Variants in PREX1 observed in about 807,000 individuals in gnomAD.
PREX1 encodes phosphatidylinositol 3,4,5-trisphosphate-dependent Rac exchanger 1 protein.
In PREX1, 41 loss-of-function variants were observed where a neutral mutation model predicts 198.3. That is an observed-to-expected ratio of 0.21 (90% CI 0.16 to 0.27). PREX1 has a LOEUF of 0.27. Among genes scored for constraint, PREX1 ranks in the 10% least tolerant of loss-of-function variants. PREX1 has a pLI of 1.00. For synonymous variants in PREX1, 843 were observed against 887.2 expected (o/e 0.95, Z 0.89); for missense variants, 1,620 against 2,200.7 (o/e 0.74, Z 5.28).
At chr20:48,728,502 C>G (rs888747308) in intron 4 of PREX1, among the ~76,000 whole-genome samples, 1 of 152,226 alleles carries the variant, frequency 6.6e-6, no homozygotes, top group African/African-American at 2.4e-5. Flanking sequence ...TCTAGCTGAG[C>G]TGAATGGCCC....
At chr20:48,649,819 T>G (rs932387536) in intron 24 of PREX1, among the ~76,000 whole-genome samples, 177 bp downstream of exon 24, 1 of 152,240 alleles carries the variant, frequency 6.6e-6, no homozygotes, top group Non-Finnish European at 1.5e-5. Context: ...CCAGCAGATA[T>G]CATCCACAAG....
the PREX1 span, among the ~76,000 whole-genome samples, chr20:48,862,780 T>TAAAAAAAAAAAAAAAAAAAAAAA: frequency 2.0e-5 from 2 of 99,232 alleles, no homozygotes; most frequent in African/African-American, 4.1e-5. Flanking sequence ...TAAAAAAGCC[T>TAAAAAAAAAAAAAAAAAAAAAAA]AAAAAAAAAA....
chr20:48,858,865 T>C, the PREX1 span, among the ~76,000 whole-genome samples: 1 of 152,190 alleles, frequency 6.6e-6, no homozygotes, highest in East Asian at 1.9e-4. Flanking sequence ...CTCACTGTAC[T>C]GCGTACTTTA....
chr20:48,680,196 T>C (rs2089740198), intron 11 of PREX1, among the ~76,000 whole-genome samples: 1 of 152,194 alleles, frequency 6.6e-6, no homozygotes, highest in Admixed American at 6.5e-5. Context: ...AAAGTCATGC[T>C]TGATGCTTCA....
In PREX1 at chr20:48,823,399, G is replaced by T. The variant is rs974193962; in HGVS notation, c.219+4243C>A. 2.0e-5 allele frequency among the ~76,000 whole-genome samples: 3 copies of T among 152,162 alleles called. No homozygotes were observed. In the East Asian group the frequency reaches 5.8e-4, roughly 29 times the overall value. On this transcript the variant is annotated intron_variant, in intron 1 of 39. Transcript: ENST00000371941. ...CTACTCAGCCTCCTCTAGGGGAGTG[G>T]GGGGCAAGCTTCACCACATCCCTGT...
intron 1 of PREX1, among the ~76,000 whole-genome samples, chr20:48,781,358 T>C (rs2090289017): frequency 1.3e-5 from 2 of 152,238 alleles, no homozygotes; most frequent in African/African-American, 4.8e-5. Context: ...AACTCTGTAC[T>C]ATATTTGCAA....
chr20:48,826,957 G>C (rs547650610), intron 1 of PREX1, among the ~76,000 whole-genome samples: 195 of 152,346 alleles, frequency 1.3e-3, no homozygotes, highest in South Asian at 6.0e-3. Flanking sequence ...CACATGTAAG[G>C]TGTCTGGCAC....
At chr20:48,716,860 C>A (rs1181754462) in intron 5 of PREX1, among the ~76,000 whole-genome samples, 1 of 152,096 alleles carries the variant, frequency 6.6e-6, no homozygotes, top group African/African-American at 2.4e-5. Flanking sequence ...TGACCAACGA[C>A]GCCACTGTAA....
Position 48,801,057 on chromosome 20 carries a change from T to C in PREX1, c.219+26585A>G, listed in dbSNP as rs201375485. 4.6e-5 allele frequency among the ~76,000 whole-genome samples: 7 copies of C among 152,246 alleles called. No homozygotes were observed. The East Asian group carries it at 1.4e-3, about 29-fold the overall frequency. On this transcript the variant is annotated intron_variant, in intron 1 of 39. Coordinates refer to ENST00000371941, the MANE Select transcript of PREX1 (RefSeq NM_020820.4). ...GGAGAGTTCCTGCCTATCACCAGGA[T>C]AAAATGGGGATAATAAGAATCCTTC...
At chr20:48,739,622 C>T (rs761033147) in intron 3 of PREX1, among the ~76,000 whole-genome samples, 16 of 152,214 alleles carry the variant, frequency 1.1e-4, no homozygotes, top group Non-Finnish European at 1.5e-4. Context: ...CTCCCACCTA[C>T]GAGCCGCGTG....
At chr20:48,735,093 T>G (rs6066829) in intron 3 of PREX1, among the ~76,000 whole-genome samples, 18,631 of 152,170 alleles carry the variant, frequency 0.12, 1,342 homozygotes, top group African/African-American at 0.19. Context: ...CCCAAAGATG[T>G]ACTCCTTCCA....
At chr20:48,839,787 G>T in the PREX1 span, among the ~76,000 whole-genome samples, 1 of 152,108 alleles carries the variant, frequency 6.6e-6, no homozygotes, top group African/African-American at 2.4e-5. Flanking sequence ...GCTCCTCCTT[G>T]CTCCTTTCCC....
chr20:48,837,643 A>T, the PREX1 span, among the ~76,000 whole-genome samples: 1 of 152,178 alleles, frequency 6.6e-6, no homozygotes, highest in South Asian at 2.1e-4. Context: ...CGCAGAGGGG[A>T]GCAACAGACA....
At chr20:48,753,948 G>A (rs1296404836) in intron 1 of PREX1, among the ~76,000 whole-genome samples, 1 of 152,180 alleles carries the variant, frequency 6.6e-6, no homozygotes, top group Non-Finnish European at 1.5e-5. Context: ...TGATCATTCA[G>A]TATCATCTCC....
chr20:48,643,043 T>C (rs1213937441), intron 27 of PREX1, among the ~76,000 whole-genome samples: 1 of 152,238 alleles, frequency 6.6e-6, no homozygotes, highest in Non-Finnish European at 1.5e-5. Context: ...GGAACAGCAG[T>C]GACAGCCTGA....
chr20:48,751,196 G>A (rs568062890), intron 1 of PREX1, among the ~76,000 whole-genome samples: 27 of 152,178 alleles, frequency 1.8e-4, no homozygotes, highest in Non-Finnish European at 2.9e-4. Flanking sequence ...TTTTTGAAAC[G>A]ACAATGAGCG....
chr20:48,835,686 A>G, the PREX1 span, among the ~76,000 whole-genome samples: 1 of 152,186 alleles, frequency 6.6e-6, no homozygotes, highest in African/African-American at 2.4e-5. Flanking sequence ...GCATCTAGAA[A>G]GGAGAGGAAA....
chr20:48,867,260 G>A, the PREX1 span, among the ~76,000 whole-genome samples: 4 of 152,224 alleles, frequency 2.6e-5, no homozygotes, highest in African/African-American at 9.6e-5. Flanking sequence ...AGTTTCTCAT[G>A]TAACAGGTGG....
chr20:48,687,622 TC>T (rs1158201466), intron 10 of PREX1, among the ~76,000 whole-genome samples: 5 of 152,066 alleles, frequency 3.3e-5, no homozygotes, highest in Admixed American at 3.3e-4. Context: ...TAAATAAAGT[TC>T]CCGCATTGCC....
Sources: gnomAD v4.1 joint callset for allele counts (sites outside exome capture counted in the v4.1 genomes callset) on GRCh38, gnomAD v4.1.1 for gene constraint, MANE v1.5 for transcripts, NCBI Gene and HGNC (gene_info 2026-07-23, HGNC 2026-07-21) for gene names.